IL1RAPL2: variants seen among roughly 807,000 people sequenced by gnomAD.
IL1RAPL2 encodes X-linked interleukin-1 receptor accessory protein-like 2.
IL1RAPL2 carries 3 observed loss-of-function variants against 44.1 expected under a neutral mutation model. The ratio of observed to expected loss-of-function variants is 0.07; its 90% CI spans 0.03 to 0.18. IL1RAPL2 has a LOEUF of 0.18. Among genes scored for constraint, IL1RAPL2 ranks in the 10% least tolerant of loss-of-function variants. The pLI is 1.00. For synonymous variants in IL1RAPL2, 181 were observed against 178.8 expected (o/e 1.01, Z -0.10); for missense variants, 391 against 496.4 (o/e 0.79, Z 2.02).
intron 1 of IL1RAPL2, among the ~76,000 whole-genome samples, chrX:104,582,594 C>T (rs200018140): frequency 4.2e-5 from 3 of 71,144 alleles, no homozygotes; most frequent in Non-Finnish European, 7.7e-5. Context: ...TTCTTTCTTT[C>T]TTTTTCTTTC....
chrX:104,771,502 T>C (rs1015208226), intron 2 of IL1RAPL2, among the ~76,000 whole-genome samples: 4 of 112,687 alleles, frequency 3.5e-5, no homozygotes, highest in Non-Finnish European at 7.5e-5. Context: ...TATTTTTTGC[T>C]TATATTGTAT....
intron 5 of IL1RAPL2, among the ~76,000 whole-genome samples, chrX:105,359,969 C>T (rs1346443034): frequency 3.6e-5 from 4 of 110,923 alleles, no homozygotes; most frequent in Non-Finnish European, 7.6e-5. Flanking sequence ...TGTGACAGAG[C>T]TGACATTAGA....
chrX:104,610,173 T>C (rs1929118265), intron 1 of IL1RAPL2, among the ~76,000 whole-genome samples: 1 of 111,201 alleles, frequency 9.0e-6, no homozygotes, highest in Non-Finnish European at 1.9e-5. Context: ...ACAGCCAATA[T>C]CATACTGAAT....
At chrX:105,221,819 T>A (rs1192148499) in intron 3 of IL1RAPL2, among the ~76,000 whole-genome samples, 1 of 111,413 alleles carries the variant, frequency 9.0e-6, no homozygotes, top group African/African-American at 3.3e-5. Flanking sequence ...TGTTGTCCAA[T>A]ACAGAAACCT....
intron 2 of IL1RAPL2, among the ~76,000 whole-genome samples, chrX:104,838,653 A>G (rs1921808684): frequency 9.1e-6 from 1 of 110,113 alleles, no homozygotes; most frequent in Non-Finnish European, 1.9e-5. Context: ...TAAATATACA[A>G]TCATGTCATC....
intron 5 of IL1RAPL2, among the ~76,000 whole-genome samples, chrX:105,270,529 A>G (rs1014175639): frequency 1.8e-5 from 2 of 111,961 alleles, no homozygotes; most frequent in African/African-American, 6.5e-5. Context: ...ATAATTCAGA[A>G]TTTGTTTATG....
chrX:104,754,978 T>G (rs1008623357), intron 2 of IL1RAPL2, among the ~76,000 whole-genome samples: 2 of 111,686 alleles, frequency 1.8e-5, no homozygotes, highest in Non-Finnish European at 3.8e-5. Flanking sequence ...CATACTATGC[T>G]TTACAGCCTG....
At chrX:105,247,577 ATAGAAGT>A (rs2034229972) in intron 4 of IL1RAPL2, among the ~76,000 whole-genome samples, 1 of 103,128 alleles carries the variant, frequency 9.7e-6, no homozygotes, top group African/African-American at 3.8e-5. Context: ...ACTAAATAGA[ATAGAAGT>A]GTGTGTGTAT....
intron 2 of IL1RAPL2, among the ~76,000 whole-genome samples, chrX:104,909,360 T>C (rs138720251): frequency 0.36 from 39,062 of 109,443 alleles, 5,773 homozygotes; most frequent in East Asian, 0.45. Flanking sequence ...AGTCATTCTC[T>C]GTCCAGCTTT....
intron 9 of IL1RAPL2, 121 bp from the exon 10 acceptor site, chrX:105,755,056 T>C: frequency 2.2e-6 from 1 of 450,473 alleles, no homozygotes; most frequent in Non-Finnish European, 3.8e-6. Context: ...TAACATGGCA[T>C]GTGACTTATT....
intron 2 of IL1RAPL2, among the ~76,000 whole-genome samples, chrX:104,796,801 G>A (rs1056584077): frequency 1.8e-5 from 2 of 110,959 alleles, no homozygotes; most frequent in Non-Finnish European, 3.8e-5. Flanking sequence ...ATGGAGTTTC[G>A]CTCTTGTTGC....
At chrX:104,838,820 CTT>C (rs1569323894) in intron 2 of IL1RAPL2, among the ~76,000 whole-genome samples, 1 of 76,583 alleles carries the variant, frequency 1.3e-5, no homozygotes, top group Non-Finnish European at 2.6e-5. Context: ...CTTTTCTTTT[CTT>C]CTTTCTTTCT....
intron 2 of IL1RAPL2, among the ~76,000 whole-genome samples, chrX:104,903,903 G>C (rs1255879453): frequency 9.0e-6 from 1 of 111,547 alleles, no homozygotes; most frequent in Non-Finnish European, 1.9e-5. Context: ...TATAGATAAC[G>C]ATGATAAATT....
chrX:104,645,745 A>G (rs1486735837), intron 1 of IL1RAPL2, among the ~76,000 whole-genome samples: 2 of 112,657 alleles, frequency 1.8e-5, no homozygotes, highest in Non-Finnish European at 3.8e-5. Flanking sequence ...TTGTATTCCT[A>G]TCATAGGCAT....
chrX:105,116,190 G>A (rs895589034), intron 2 of IL1RAPL2, among the ~76,000 whole-genome samples: 8 of 112,860 alleles, frequency 7.1e-5, no homozygotes, highest in South Asian at 3.7e-4. Flanking sequence ...CTCCTCAAGC[G>A]CGGCCAGAGT....
At chrX:104,947,399 G>A (rs1410208709) in intron 2 of IL1RAPL2, among the ~76,000 whole-genome samples, 1 of 95,709 alleles carries the variant, frequency 1.0e-5, no homozygotes, top group Admixed American at 1.2e-4. Context: ...TTCTTTTGCT[G>A]TGCAGAAGCT....
intron 5 of IL1RAPL2, among the ~76,000 whole-genome samples, chrX:105,461,655 CA>C (rs757145063): frequency 9.0e-6 from 1 of 111,611 alleles, no homozygotes; most frequent in East Asian, 2.9e-4. Context: ...CTGATCCTTC[CA>C]TCAGAATTAC....
chrX:105,661,406 G>A (rs1303455601), intron 6 of IL1RAPL2, among the ~76,000 whole-genome samples: 2 of 111,883 alleles, frequency 1.8e-5, no homozygotes, highest in African/African-American at 6.5e-5. Context: ...AATTTAATCT[G>A]TACTATAGAC....
chrX:105,528,840 C>T (rs1180928883), intron 6 of IL1RAPL2, among the ~76,000 whole-genome samples: 2 of 111,047 alleles, frequency 1.8e-5, no homozygotes, highest in African/African-American at 6.5e-5. Context: ...CCAATTATCC[C>T]AGTGATATCC....
Sources: allele counts gnomAD v4.1 joint callset (sites outside exome capture counted in the v4.1 genomes callset), GRCh38; gene constraint gnomAD v4.1.1; transcripts MANE v1.5; gene names NCBI Gene and HGNC (gene_info 2026-07-23, HGNC 2026-07-21).